Variants in INTU observed in about 807,000 individuals in gnomAD.
The protein encoded by INTU is inturned planar cell polarity protein.
INTU carries 68 observed loss-of-function variants against 100.5 expected under a neutral mutation model. That is an observed-to-expected ratio of 0.68 (90% CI 0.56 to 0.83). The LOEUF (loss-of-function observed/expected upper bound fraction) is 0.83, where lower values mean the gene tolerates loss of function less well. Ranked by LOEUF, INTU falls within the 40% of genes least tolerant of loss-of-function variation. The probability of loss-of-function intolerance (pLI) is 0.00; values close to 1 mark genes in which losing one functional copy is unlikely to be tolerated. For missense variants in INTU, 1,071 were observed against 1,114.7 expected, an observed-to-expected ratio of 0.96 and a Z score of 0.56; for synonymous variants, 357 against 395.7, an observed-to-expected ratio of 0.90 and a Z score of 1.16.
intron 15 of INTU, 77 bp from the exon 16 acceptor site, chr4:127,716,243 AAAATT>A (rs1288258454): frequency 1.6e-6 from 1 of 642,400 alleles, no homozygotes; most frequent in African/African-American, 1.8e-5. Context: ...TTCAGAAACA[AAAATT>A]AAATTAATTG....
At chr4:127,674,074 T>C in intron 5 of INTU, 50 bp from the exon 6 acceptor site, 2 of 1,188,398 alleles carry the variant, frequency 1.7e-6, no homozygotes, top group Non-Finnish European at 2.4e-6. Context: ...CTTATAATTT[T>C]ATGACATTTA....
intron 13 of INTU, among the ~76,000 whole-genome samples, chr4:127,709,181 A>G (rs1731001163): frequency 6.6e-6 from 1 of 152,214 alleles, no homozygotes; most frequent in Non-Finnish European, 1.5e-5. Flanking sequence ...ACTAATAAAT[A>G]AGTGAGTACA....
In INTU at chr4:127,687,664, T is replaced by C; in HGVS notation, c.1260-14T>C. ...TCCATATGTCGTTCTAACTTACAGC[T>C]CTTATTTCTCCAGTGCCTTTTGCCA... On this transcript the variant is annotated splice_polypyrimidine_tract_variant and intron_variant, in intron 7 of 15. Transcript: ENST00000335251. 1 of 1,599,192 alleles carries C rather than the reference T, an allele frequency of 6.3e-7. No homozygotes were observed. The highest frequency in any genetic ancestry group is 2.2e-5 in the East Asian group (1 of 44,524).
intron 6 of INTU, among the ~76,000 whole-genome samples, chr4:127,680,837 G>T (rs1578592067): frequency 6.6e-6 from 1 of 151,984 alleles, no homozygotes; most frequent in South Asian, 2.1e-4. Context: ...TGACATAATT[G>T]TATATCTAGA....
In INTU at chr4:127,636,453, A is replaced by T. The variant is rs149435657; in HGVS notation, c.146+3273A>T. On this transcript the variant is annotated intron_variant, in intron 1 of 15. Coordinates refer to ENST00000335251, the MANE Select transcript of INTU (RefSeq NM_015693.4). Reference sequence around the variant, plus strand: ...TGGTGAAACCCCATCTCTACTAAAGATACAAAAAATTAGCCGGGCATGGTG... The same window carrying T: ...TGGTGAAACCCCATCTCTACTAAAGTTACAAAAAATTAGCCGGGCATGGTG... Among the ~76,000 whole-genome samples the T allele has an allele frequency of 5.3e-3, 807 of 151,968 alleles. 9 individuals carry two copies. Among genetic ancestry groups the T allele is most frequent in the African/African-American group, 0.018 (764 of 41,420 alleles).
chr4:127,656,242 C>T (rs1223086652), intron 2 of INTU, among the ~76,000 whole-genome samples: 1 of 152,154 alleles, frequency 6.6e-6, no homozygotes, highest in African/African-American at 2.4e-5. Context: ...CATCTTGGCT[C>T]CTCTGTTTTG....
chr4:127,717,510 G>A lies in INTU; in HGVS notation c.*1074G>A, dbSNP rs756204829. On this transcript the variant is annotated 3_prime_UTR_variant, in exon 16 of 16. Coordinates refer to ENST00000335251, the MANE Select transcript of INTU (RefSeq NM_015693.4). ...TTACTTTGAGTATAAACCCAGTAAT[G>A]GGATTGCTGGGTCAAATGGCATTTC... 6.6e-6 allele frequency: 1 copy of A among 152,150 alleles called. No homozygotes were observed. Among genetic ancestry groups the A allele is most frequent in the African/African-American group, 2.4e-5 (1 of 41,432 alleles). The allele number at this position is 152,150 out of a possible 1,614,324, so 9.4% of individuals were successfully genotyped here.
At chr4:127,679,802 A>G (rs936492814) in intron 6 of INTU, among the ~76,000 whole-genome samples, 2 of 151,998 alleles carry the variant, frequency 1.3e-5, no homozygotes, top group African/African-American at 4.8e-5. Flanking sequence ...TCAAAAAATT[A>G]ATGAATCCAG....
intron 13 of INTU, 121 bp downstream of exon 13, chr4:127,708,789 G>GT (rs1432187164): frequency 1.8e-6 from 1 of 551,936 alleles, no homozygotes; most frequent in Middle Eastern, 5.0e-4. Flanking sequence ...CATATTAAAG[G>GT]TAATATCTGT....
chr4:127,681,922 C>T (rs1207615574), intron 6 of INTU, among the ~76,000 whole-genome samples: 5 of 151,956 alleles, frequency 3.3e-5, no homozygotes, highest in East Asian at 1.9e-4. Flanking sequence ...AAACAAACAA[C>T]CCCATCAAAA....
chr4:127,704,653 A>G (rs958824927), intron 10 of INTU, among the ~76,000 whole-genome samples: 1 of 152,214 alleles, frequency 6.6e-6, no homozygotes, highest in African/African-American at 2.4e-5. Flanking sequence ...ATAAATATTT[A>G]TGGTTTCATT....
rs1045681433 is a variant in INTU, at chr4:127,726,689, A to G, written c.*10253A>G. 4 of 152,232 alleles carry G rather than the reference A, an allele frequency of 2.6e-5. No homozygotes were observed. Among genetic ancestry groups the G allele is most frequent in the African/African-American group, 9.6e-5 (4 of 41,462 alleles). The allele number at this position is 152,232 out of a possible 1,614,324, so 9.4% of individuals were successfully genotyped here. A position where few individuals can be genotyped will look rare whatever the true frequency, so the allele number is the denominator to read the frequency against. ...ATTCTATGTAATTAAAGCTACTTTTATACTATATTGATAGTTTTAAATAAA... is the reference window on the plus strand; with the variant it reads ...ATTCTATGTAATTAAAGCTACTTTTGTACTATATTGATAGTTTTAAATAAA... On this transcript the variant is annotated 3_prime_UTR_variant, in exon 16 of 16. Transcript: ENST00000335251.
Position 127,676,378 on chromosome 4 carries a change from G to A in INTU, c.1181+2165G>A, listed in dbSNP as rs1729181493. Among the ~76,000 whole-genome samples the A allele has an allele frequency of 2.6e-5, 4 of 152,144 alleles. No homozygotes were observed. The Middle Eastern group carries it at 0.014, about 517-fold the overall frequency. On this transcript the variant is annotated intron_variant, in intron 6 of 15. Transcript: ENST00000335251. Reference sequence around the variant, plus strand: ...AGGCTGGCGGATTGCTTGAGCTCAGGAGTTCAAGACCAGCCTAGGTAACAT... The same window carrying A: ...AGGCTGGCGGATTGCTTGAGCTCAGAAGTTCAAGACCAGCCTAGGTAACAT...
chr4:127,710,448 T>C (rs867616556), intron 13 of INTU, among the ~76,000 whole-genome samples: 14 of 152,180 alleles, frequency 9.2e-5, no homozygotes, highest in South Asian at 2.1e-4. Flanking sequence ...TTGACTATCA[T>C]GGTAAAATAC....
At chr4:127,648,683 T>A (rs1727695756) in intron 2 of INTU, among the ~76,000 whole-genome samples, 2 of 152,170 alleles carry the variant, frequency 1.3e-5, no homozygotes, top group Admixed American at 6.5e-5. Flanking sequence ...AGTCCAAAAG[T>A]GGTTTCATTT....
intron 5 of INTU, among the ~76,000 whole-genome samples, chr4:127,670,728 A>G (rs766201004): frequency 6.6e-6 from 1 of 152,026 alleles, no homozygotes; most frequent in Non-Finnish European, 1.5e-5. Context: ...GGCTTTCTAT[A>G]GTAACCCAAA....
intron 1 of INTU, among the ~76,000 whole-genome samples, chr4:127,635,607 T>C (rs1028486169): frequency 2.6e-5 from 4 of 152,242 alleles, no homozygotes; most frequent in Admixed American, 2.6e-4. Flanking sequence ...AACACAAGGA[T>C]TGGCTGGAGA....
rs1731389257 is a variant in INTU at position 127,724,388 on chromosome 4, T to C, written c.*7952T>C. ...TGAGCCAAGATCACACCACCGCACT[T>C]CTGCCTGTGGAACAGAATGAGACTC... On this transcript the variant is annotated 3_prime_UTR_variant, in exon 16 of 16. Coordinates refer to ENST00000335251, the MANE Select transcript of INTU (RefSeq NM_015693.4). The C allele has an allele frequency of 6.6e-6, 1 of 151,404 alleles. No homozygotes were observed. The highest frequency in any genetic ancestry group is 1.5e-5 in the Non-Finnish European group (1 of 67,928). 9.4% of individuals were successfully genotyped at this position (151,404 alleles called of 1,614,324 possible). A position where few individuals can be genotyped will look rare whatever the true frequency, so the allele number is the denominator to read the frequency against.
Position 127,705,529 on chromosome 4 carries a change from A to G in INTU, c.1567-62A>G, listed in dbSNP as rs1578631727. On this transcript the variant is annotated intron_variant, in intron 10 of 15. Transcript: ENST00000335251. ...AGAAGTGTCTATGAAACTCTTAGAA[A>G]TATTATGGGACTATTGCTTTATATC... is the stretch of plus-strand genomic sequence containing the variant. 1.4e-5 allele frequency: 17 copies of G among 1,230,878 alleles called. No individual in the cohort carries two copies. The East Asian group carries it at 3.7e-4, about 27-fold the overall frequency. The allele number at this position is 1,230,878 out of a possible 1,614,324, so 76.2% of individuals were successfully genotyped here.
Sources: allele counts gnomAD v4.1 joint callset (sites outside exome capture counted in the v4.1 genomes callset), GRCh38; gene constraint gnomAD v4.1.1; transcripts MANE v1.5; gene names NCBI Gene and HGNC (gene_info 2026-07-23, HGNC 2026-07-21).